The following DDX46 variants were observed in gnomAD, a reference collection of about 807,000 sequenced individuals.
DDX46 encodes the protein probable ATP-dependent RNA helicase DDX46.
In DDX46, 30 loss-of-function variants were observed where a neutral mutation model predicts 134.9. That is an observed-to-expected ratio of 0.22 (90% CI 0.17 to 0.30). The LOEUF (loss-of-function observed/expected upper bound fraction) is 0.30, where lower values mean the gene tolerates loss of function less well. Among genes scored for constraint, DDX46 ranks in the 10% least tolerant of loss-of-function variants. The pLI is 1.00. For synonymous variants in DDX46, 415 were observed against 404.1 expected, an observed-to-expected ratio of 1.03 and a Z score of -0.32; for missense variants, 622 against 1,248.7, an observed-to-expected ratio of 0.50 and a Z score of 7.56.
intron 4 of DDX46, among the ~76,000 whole-genome samples, chr5:134,771,838 A>G (rs954892614): frequency 1.3e-5 from 2 of 152,222 alleles, no homozygotes; most frequent in Non-Finnish European, 2.9e-5. Flanking sequence ...AAAATTTTCT[A>G]AAAGAAGTTG....
At chr5:134,769,306 T>A (rs1753681165) in intron 3 of DDX46, among the ~76,000 whole-genome samples, 1 of 151,602 alleles carries the variant, frequency 6.6e-6, no homozygotes, top group South Asian at 2.1e-4. Flanking sequence ...TGGGATTAAT[T>A]TTTTTCGTTA....
intron 4 of DDX46, 122 bp downstream of exon 4, chr5:134,771,121 T>C (rs934919195): frequency 2.3e-5 from 13 of 555,782 alleles, no homozygotes; most frequent in Admixed American, 1.4e-4. Context: ...TCTGTCTTTC[T>C]TTCTGTCTTT....
In DDX46 at chr5:134,799,498, G is replaced by T. The variant is rs181260528; in HGVS notation, c.1954+3348G>T. ...CACGCCTGTAATCCCAGCACTTTGG[G>T]AGGTTGAGGCGGGTGGATCACTTGA... On this transcript the variant is annotated intron_variant, in intron 15 of 22. Transcript: ENST00000452510. Among the ~76,000 whole-genome samples, 340 of 152,028 alleles carry T rather than the reference G, an allele frequency of 2.2e-3. 2 individuals carry two copies. Among genetic ancestry groups the T allele is most frequent in the African/African-American group, 8.1e-3 (336 of 41,498 alleles).
At chr5:134,809,461 A>G (rs1755078300) in intron 16 of DDX46, among the ~76,000 whole-genome samples, 1 of 151,992 alleles carries the variant, frequency 6.6e-6, no homozygotes, top group Non-Finnish European at 1.5e-5. Flanking sequence ...TCTCCCTCCC[A>G]GGTTCAAACG....
chr5:134,776,053 T>C (rs956517627), intron 5 of DDX46, among the ~76,000 whole-genome samples: 1 of 152,130 alleles, frequency 6.6e-6, no homozygotes, highest in African/African-American at 2.4e-5. Context: ...ATGTATTGAA[T>C]ACTGTATTAT....
chr5:134,781,660 C>A (rs1008713765), intron 7 of DDX46, among the ~76,000 whole-genome samples: 15 of 152,008 alleles, frequency 9.9e-5, no homozygotes, highest in Admixed American at 7.9e-4. Context: ...GAAAAAAAAA[C>A]TAAGTTGAAA....
intron 21 of DDX46, among the ~76,000 whole-genome samples, chr5:134,820,224 T>G (rs1755404198): frequency 6.6e-6 from 1 of 152,158 alleles, no homozygotes; most frequent in Admixed American, 6.5e-5. Context: ...CCAGCCCACT[T>G]TATTTATATT....
chr5:134,782,003 T>C lies in DDX46; in HGVS notation c.962T>C (p.Val321Ala), dbSNP rs1468776454. 1.2e-6 allele frequency: 2 copies of C among 1,609,726 alleles called. No homozygotes were observed. The highest frequency in any genetic ancestry group is 1.7e-4 in the Middle Eastern group (1 of 5,962). Reference sequence around the variant, plus strand: ...AAACAGCGAAAGCTTCTAGAACCAGTTGATCATGGAAAAATTGAGTATGAG... The same window carrying C: ...AAACAGCGAAAGCTTCTAGAACCAGCTGATCATGGAAAAATTGAGTATGAG... ...QTKQRKLLEP[V>A]DHGKIEYEPF... The change falls in exon 8 of 23, where the codon GTT becomes GCT. Residue 321 changes from valine (V) to alanine (A), a missense_variant. Val to Ala is a moderately conservative substitution (Grantham distance 64, BLOSUM62 0). Transcript: ENST00000452510.
At chr5:134,778,047 GTCTC>G (rs1211253102) in intron 6 of DDX46, among the ~76,000 whole-genome samples, 1 of 141,192 alleles carries the variant, frequency 7.1e-6, no homozygotes, top group Non-Finnish European at 1.5e-5. Flanking sequence ...TTGATACAGA[GTCTC>G]TCTTTTGCCT....
chr5:134,820,555 G>A (rs1268394585), intron 21 of DDX46, among the ~76,000 whole-genome samples: 1 of 152,112 alleles, frequency 6.6e-6, no homozygotes, highest in African/African-American at 2.4e-5. Context: ...GTAGAGTTGG[G>A]GTTTCACCAT....
At chr5:134,827,560 G>A (rs1427147482) in intron 22 of DDX46, among the ~76,000 whole-genome samples, 3 of 152,206 alleles carry the variant, frequency 2.0e-5, no homozygotes, top group South Asian at 2.1e-4. Flanking sequence ...GGCGTGAGCC[G>A]TGGCGCCCGG....
intron 6 of DDX46, 151 bp downstream of exon 6, chr5:134,777,876 GA>G (rs1229106318): frequency 1.6e-5 from 13 of 814,538 alleles, no homozygotes; most frequent in East Asian, 8.7e-5. Flanking sequence ...CTGAGTACCA[GA>G]GATACTGGTA....
intron 15 of DDX46, among the ~76,000 whole-genome samples, chr5:134,800,931 C>T (rs1185311115): frequency 6.6e-6 from 1 of 152,190 alleles, no homozygotes; most frequent in African/African-American, 2.4e-5. Context: ...CTGCCTCAGC[C>T]TCCCAAAGTG....
intron 2 of DDX46, among the ~76,000 whole-genome samples, chr5:134,766,627 A>G (rs1753575987): frequency 6.6e-6 from 1 of 152,024 alleles, no homozygotes; most frequent in African/African-American, 2.4e-5. Flanking sequence ...AGGCTGAGGC[A>G]GGAGAATCAC....
At chr5:134,823,050 A>G (rs1755498057) in intron 21 of DDX46, among the ~76,000 whole-genome samples, 1 of 151,558 alleles carries the variant, frequency 6.6e-6, no homozygotes, top group African/African-American at 2.4e-5. Flanking sequence ...CAAGTAATCT[A>G]GGGTTCTTTC....
intron 8 of DDX46, among the ~76,000 whole-genome samples, chr5:134,782,519 T>G (rs1374474791): frequency 7.1e-6 from 1 of 141,738 alleles, no homozygotes; most frequent in Non-Finnish European, 1.5e-5. Flanking sequence ...TTTTGTTTTG[T>G]TTTTTTTTTG....
intron 21 of DDX46, among the ~76,000 whole-genome samples, chr5:134,821,039 G>GT (rs775510506): frequency 0.013 from 1,693 of 127,144 alleles, 15 homozygotes; most frequent in Middle Eastern, 0.048. Context: ...GCTAATTTTC[G>GT]TTTTTTTTTT....
chr5:134,795,615 C>T (rs1446400631), intron 14 of DDX46, among the ~76,000 whole-genome samples: 5 of 152,024 alleles, frequency 3.3e-5, no homozygotes, highest in African/African-American at 1.2e-4. Flanking sequence ...CCTGTAATCC[C>T]AGTATTTTGG....
At chr5:134,765,962 A>G (rs751960664) in intron 2 of DDX46, among the ~76,000 whole-genome samples, 4 of 152,174 alleles carry the variant, frequency 2.6e-5, no homozygotes, top group Non-Finnish European at 5.9e-5. Flanking sequence ...GAATCACAAG[A>G]TTTTAGAGCA....
Sources: allele counts gnomAD v4.1 joint callset (sites outside exome capture counted in the v4.1 genomes callset), GRCh38; gene constraint gnomAD v4.1.1; transcripts MANE v1.5; gene names NCBI Gene and HGNC (gene_info 2026-07-23, HGNC 2026-07-21).